PCDH9: variants seen among roughly 807,000 people sequenced by gnomAD.
The protein encoded by PCDH9 is protocadherin 9.
A neutral mutation model predicts 70.6 loss-of-function variants in PCDH9; 24 were observed. That is an observed-to-expected ratio of 0.34 (90% confidence interval 0.25 to 0.48). The LOEUF is 0.48. PCDH9 is among the 20% of genes least tolerant of loss of function. The pLI, the probability that PCDH9 is intolerant of heterozygous loss-of-function variation, is 0.99. For missense variants in PCDH9, 1,281 were observed against 1,503.6 expected (o/e 0.85, Z 2.45); for synonymous variants, 562 against 558.5 (o/e 1.01, Z -0.09).
chr13:66,445,905 C>T (rs1958080116), intron 4 of PCDH9, among the ~76,000 whole-genome samples: 1 of 150,718 alleles, frequency 6.6e-6, no homozygotes, highest in Admixed American at 6.7e-5. Context: ...ATGTTTATTT[C>T]AAAGGCTTGG....
chr13:66,374,404 T>A (rs2138224891), intron 4 of PCDH9, among the ~76,000 whole-genome samples: 1 of 152,044 alleles, frequency 6.6e-6, no homozygotes, highest in African/African-American at 2.4e-5. Flanking sequence ...AGATAATACT[T>A]TTAGAAATTT....
chr13:66,791,367 T>C (rs892583527), intron 3 of PCDH9, among the ~76,000 whole-genome samples: 5 of 152,128 alleles, frequency 3.3e-5, no homozygotes, highest in African/African-American at 9.6e-5. Flanking sequence ...AGGGAATTCA[T>C]TATTATGCTA....
intron 2 of PCDH9, among the ~76,000 whole-genome samples, chr13:67,021,538 C>T (rs749765967): frequency 4.6e-5 from 7 of 152,130 alleles, no homozygotes; most frequent in Non-Finnish European, 1.0e-4. Flanking sequence ...TATGAATGTG[C>T]TCAGGCTCAT....
At chr13:66,537,821 C>T (rs749297506) in intron 4 of PCDH9, among the ~76,000 whole-genome samples, 1 of 151,832 alleles carries the variant, frequency 6.6e-6, no homozygotes, top group Non-Finnish European at 1.5e-5. Flanking sequence ...AGTTTAGTGA[C>T]CAAAGTGAGG....
At chr13:67,007,960 G>A (rs1298399310) in intron 2 of PCDH9, among the ~76,000 whole-genome samples, 1 of 152,082 alleles carries the variant, frequency 6.6e-6, no homozygotes, top group Non-Finnish European at 1.5e-5. Context: ...TATTCAATGG[G>A]AAGGCTTCAA....
intron 2 of PCDH9, among the ~76,000 whole-genome samples, chr13:66,906,304 T>C (rs1191570006): frequency 6.6e-6 from 1 of 152,212 alleles, no homozygotes; most frequent in Non-Finnish European, 1.5e-5. Flanking sequence ...TGAATTCTCA[T>C]GAGCCATGAG....
At chr13:66,392,045 A>C (rs192386405) in intron 4 of PCDH9, among the ~76,000 whole-genome samples, 1 of 151,874 alleles carries the variant, frequency 6.6e-6, no homozygotes, top group Non-Finnish European at 1.5e-5. Flanking sequence ...ACATACTGCT[A>C]TGGAAAGCTA....
chr13:66,313,588 T>C (rs1354547855), intron 4 of PCDH9, among the ~76,000 whole-genome samples: 1 of 152,232 alleles, frequency 6.6e-6, no homozygotes, highest in Admixed American at 6.5e-5. Flanking sequence ...TACACAATAG[T>C]AGTACACAAT....
chr13:66,723,432 G>A (rs1219636333), intron 3 of PCDH9, among the ~76,000 whole-genome samples: 2 of 152,080 alleles, frequency 1.3e-5, no homozygotes, highest in Non-Finnish European at 2.9e-5. Flanking sequence ...CAAATTCAGG[G>A]AAGTGATATA....
At chr13:66,433,618 G>T (rs1957814102) in intron 4 of PCDH9, among the ~76,000 whole-genome samples, 1 of 151,506 alleles carries the variant, frequency 6.6e-6, no homozygotes. Flanking sequence ...TATAGTAGTT[G>T]AAGAGTTGAG....
intron 2 of PCDH9, among the ~76,000 whole-genome samples, chr13:67,181,648 G>A (rs1361898156): frequency 6.6e-6 from 1 of 152,168 alleles, no homozygotes; most frequent in East Asian, 1.9e-4. Context: ...CTCTATAAGT[G>A]GATATGAAAT....
At chr13:66,590,196 T>G (rs1281410095) in intron 4 of PCDH9, among the ~76,000 whole-genome samples, 1 of 152,010 alleles carries the variant, frequency 6.6e-6, no homozygotes, top group African/African-American at 2.4e-5. Context: ...GGTTTCCTAT[T>G]TTTATGCATT....
chr13:66,813,955 C>G (rs1175842112), intron 3 of PCDH9, among the ~76,000 whole-genome samples: 1 of 152,104 alleles, frequency 6.6e-6, no homozygotes, highest in African/African-American at 2.4e-5. Flanking sequence ...AGAAAGAGTA[C>G]AGCAAATGAC....
chr13:66,566,990 T>C (rs927896546), intron 4 of PCDH9, among the ~76,000 whole-genome samples: 3 of 151,994 alleles, frequency 2.0e-5, no homozygotes, highest in African/African-American at 2.4e-5. Flanking sequence ...TGTGGAAATA[T>C]AGGCAAAATA....
At chr13:67,224,801 T>C in intron 2 of PCDH9, 2 of 877,182 alleles carry the variant, frequency 2.3e-6, no homozygotes, top group Non-Finnish European at 2.7e-6. Flanking sequence ...AAGTACCGAA[T>C]TTAATATATT....
intron 2 of PCDH9, among the ~76,000 whole-genome samples, chr13:66,938,596 C>T (rs896556109): frequency 6.6e-6 from 1 of 152,086 alleles, no homozygotes; most frequent in Admixed American, 6.5e-5. Flanking sequence ...TCAGTAATTC[C>T]TATCTTCATG....
intron 3 of PCDH9, among the ~76,000 whole-genome samples, chr13:66,791,165 T>C (rs2080157472): frequency 6.6e-6 from 1 of 152,096 alleles, no homozygotes; most frequent in Admixed American, 6.6e-5. Context: ...AATGCAAGAG[T>C]GATCCTTTGC....
At chr13:66,696,535 A>C (rs368519376) in intron 3 of PCDH9, among the ~76,000 whole-genome samples, 10 of 152,308 alleles carry the variant, frequency 6.6e-5, no homozygotes, top group East Asian at 3.9e-4. Context: ...TGGGTCCTCT[A>C]CATGATATAT....
At chr13:67,212,160 T>G (rs539020136) in intron 2 of PCDH9, 1 of 152,096 alleles carries the variant, frequency 6.6e-6, no homozygotes, top group Non-Finnish European at 1.5e-5. Context: ...AAAAAGTACA[T>G]TTCCCTCCAA....
Sources: gnomAD v4.1 joint callset for allele counts (sites outside exome capture counted in the v4.1 genomes callset) on GRCh38, gnomAD v4.1.1 for gene constraint, MANE v1.5 for transcripts, NCBI Gene and HGNC (gene_info 2026-07-23, HGNC 2026-07-21) for gene names.